Variants in SYNPR observed in about 807,000 individuals in gnomAD.
SYNPR encodes the protein synaptoporin.
SYNPR carries 23 observed loss-of-function variants against 32.9 expected under a neutral mutation model. The observed-to-expected ratio is 0.70, with a 90% CI of 0.50 to 0.99. The LOEUF (loss-of-function observed/expected upper bound fraction) is 0.99. Among genes scored for constraint, SYNPR ranks in the 50% least tolerant of loss-of-function variants. The probability of loss-of-function intolerance (pLI) is 0.00; values close to 1 mark genes in which losing one functional copy is unlikely to be tolerated. For synonymous variants in SYNPR, 146 were observed against 135.9 expected (o/e 1.07, Z -0.52); for missense variants, 318 against 349.3 (o/e 0.91, Z 0.71).
chr3:63,311,009 T>TACA (rs67826251), intron 2 of SYNPR, among the ~76,000 whole-genome samples: 44,645 of 151,574 alleles, frequency 0.29, 7,630 homozygotes, highest in Non-Finnish European at 0.39. Flanking sequence ...GTCATTTATG[T>TACA]GGTATCCTTC....
intron 2 of SYNPR, among the ~76,000 whole-genome samples, chr3:63,306,054 A>C (rs2086907792): frequency 6.6e-6 from 1 of 151,970 alleles, no homozygotes; most frequent in South Asian, 2.1e-4. Context: ...ATCTCCAACA[A>C]ATTTTCAGCT....
chr3:63,349,486 T>C (rs1208093086), intron 2 of SYNPR, among the ~76,000 whole-genome samples: 2 of 152,242 alleles, frequency 1.3e-5, no homozygotes, highest in Admixed American at 1.3e-4. Flanking sequence ...ATTTTAAAAT[T>C]ATTTCTTTTA....
intron 2 of SYNPR, chr3:63,426,738 G>A (rs1259659488): frequency 3.9e-5 from 6 of 152,032 alleles, no homozygotes; most frequent in South Asian, 2.1e-4. Flanking sequence ...CTGATAGGGG[G>A]TCACAAAGTT....
At chr3:63,370,253 T>G (rs986823799) in intron 2 of SYNPR, among the ~76,000 whole-genome samples, 1 of 152,144 alleles carries the variant, frequency 6.6e-6, no homozygotes, top group Non-Finnish European at 1.5e-5. Flanking sequence ...GTGGAAGATG[T>G]TTTTTTCCAA....
intron 2 of SYNPR, among the ~76,000 whole-genome samples, chr3:63,341,746 A>C (rs1375388233): frequency 6.6e-6 from 1 of 152,188 alleles, no homozygotes; most frequent in Non-Finnish European, 1.5e-5. Context: ...GATACAAGTC[A>C]TTTAACAGGT....
chr3:63,452,192 A>G (rs776698077), intron 2 of SYNPR: 2 of 650,856 alleles, frequency 3.1e-6, no homozygotes, highest in Non-Finnish European at 5.6e-6. Context: ...TGTAATACTG[A>G]GCAGCCACTG....
At chr3:63,227,999 T>C (rs1476255384), upstream of SYNPR, among the ~76,000 whole-genome samples, 1 of 152,072 alleles carries the variant, frequency 6.6e-6, no homozygotes, top group African/African-American at 2.4e-5. Flanking sequence ...AGGAAGAAGT[T>C]TGGATTTTAT....
At chr3:63,421,141 C>G (rs1184057932) in intron 2 of SYNPR, among the ~76,000 whole-genome samples, 1 of 152,064 alleles carries the variant, frequency 6.6e-6, no homozygotes, top group Non-Finnish European at 1.5e-5. Flanking sequence ...TTTTGGCCTC[C>G]GAAATTGCCG....
At chr3:63,407,152 A>AT (rs2088371029) in intron 2 of SYNPR, among the ~76,000 whole-genome samples, 1 of 152,226 alleles carries the variant, frequency 6.6e-6, no homozygotes, top group Non-Finnish European at 1.5e-5. Context: ...TTTCCATTGC[A>AT]TCTTGATTTT....
intron 3 of SYNPR, among the ~76,000 whole-genome samples, chr3:63,540,170 A>G (rs540359685): frequency 6.6e-5 from 10 of 152,218 alleles, no homozygotes; most frequent in South Asian, 6.2e-4. Context: ...ACACCTTATT[A>G]TTTTATTCCT....
rs1216549846 is a variant in SYNPR, at chr3:63,408,267, AAG to A, written c.85-72563_85-72562del. 2.5e-5 allele frequency among the ~76,000 whole-genome samples: 3 copies of A among 118,808 alleles called. No homozygotes were observed. In the Admixed American group the frequency reaches 2.6e-4, roughly 10 times the overall value. The allele number at this position is 118,808 out of a possible 152,430, so 77.9% of individuals were successfully genotyped here. A position where few individuals can be genotyped will look rare whatever the true frequency, so the allele number is the denominator to read the frequency against. On this transcript the variant is annotated intron_variant, in intron 2 of 5. Coordinates refer to ENST00000478300, the MANE Select transcript of SYNPR (RefSeq NM_001130003.2). ...AAAGAAAGAAAGAAAGAAAGAAAGA[AAG>A]AAAGAAAGAGGAAGGAAGGAAGGAA...
chr3:63,347,579 C>G (rs551456689), intron 2 of SYNPR, among the ~76,000 whole-genome samples: 1 of 152,082 alleles, frequency 6.6e-6, no homozygotes. Context: ...GTAACCATTA[C>G]CTGGATAGTG....
chr3:63,583,326 T>C (rs1703124807), intron 4 of SYNPR, among the ~76,000 whole-genome samples: 2 of 152,098 alleles, frequency 1.3e-5, no homozygotes, highest in South Asian at 2.1e-4. Context: ...TGGACATATA[T>C]GTGCAGGCCA....
Position 63,460,534 on chromosome 3 carries a change from C to T in SYNPR, c.85-20298C>T, listed in dbSNP as rs560765505. Among the ~76,000 whole-genome samples the T allele has an allele frequency of 2.3e-5, 3 of 132,960 alleles. No individual in the cohort carries two copies. The South Asian group carries it at 6.7e-4, about 30-fold the overall frequency. The allele number at this position is 132,960 out of a possible 152,430, so 87.2% of individuals were successfully genotyped here. ...AAAACCCAAAGATGAAGAACATAAT[C>T]CAGGCAAAGACAACAGCATAGGTGA... is the stretch of plus-strand genomic sequence containing the variant. On this transcript the variant is annotated intron_variant, in intron 2 of 5. Transcript: ENST00000478300.
chr3:63,369,893 A>C (rs1252454473), intron 2 of SYNPR, among the ~76,000 whole-genome samples: 1 of 152,184 alleles, frequency 6.6e-6, no homozygotes, highest in Non-Finnish European at 1.5e-5. Context: ...GACTAAGAAG[A>C]ATTTTCTTCC....
intron 2 of SYNPR, among the ~76,000 whole-genome samples, chr3:63,296,313 C>A (rs1196899126): frequency 6.6e-6 from 1 of 152,168 alleles, no homozygotes; most frequent in Non-Finnish European, 1.5e-5. Context: ...TGAGGTCCAT[C>A]CTTTCCAGAA....
At chr3:63,504,328 T>A (rs968466863) in intron 3 of SYNPR, among the ~76,000 whole-genome samples, 4 of 152,106 alleles carry the variant, frequency 2.6e-5, no homozygotes, top group Non-Finnish European at 5.9e-5. Flanking sequence ...GCAAAATAAT[T>A]TTTTATAAAG....
At chr3:63,605,670 A>G (rs1700107269) in intron 4 of SYNPR, among the ~76,000 whole-genome samples, 1 of 152,240 alleles carries the variant, frequency 6.6e-6, no homozygotes, top group African/African-American at 2.4e-5. Context: ...TGGAAAAGGA[A>G]CATAGGGAAT....
chr3:63,265,299 T>C (rs922788910), intron 2 of SYNPR, among the ~76,000 whole-genome samples: 1 of 144,158 alleles, frequency 6.9e-6, no homozygotes, highest in Non-Finnish European at 1.5e-5. Context: ...TGGCCCAGGA[T>C]GGAGTGCAGT....
Sources: gnomAD v4.1 joint callset for allele counts (sites outside exome capture counted in the v4.1 genomes callset) on GRCh38, gnomAD v4.1.1 for gene constraint, MANE v1.5 for transcripts, NCBI Gene and HGNC (gene_info 2026-07-23, HGNC 2026-07-21) for gene names.